The following LHFPL2 variants were observed in gnomAD, a reference collection of about 807,000 sequenced individuals.
LHFPL2 encodes the protein LHFPL tetraspan subfamily member 2 protein.
In LHFPL2, 7 loss-of-function variants were observed where a neutral mutation model predicts 17.5. The ratio of observed to expected loss-of-function variants is 0.40; its 90% CI spans 0.23 to 0.75. LHFPL2 has a LOEUF of 0.75. LHFPL2 is among the 30% of genes least tolerant of loss of function. The pLI, the probability that LHFPL2 is intolerant of heterozygous loss-of-function variation, is 0.37. For missense variants in LHFPL2, 241 were observed against 294.8 expected (o/e 0.82, Z 1.34); for synonymous variants, 134 against 116.2 (o/e 1.15, Z -0.99).
intron 1 of LHFPL2, among the ~76,000 whole-genome samples, chr5:78,634,996 G>A (rs1745382284): frequency 1.3e-5 from 2 of 152,226 alleles, no homozygotes; most frequent in African/African-American, 4.8e-5. Flanking sequence ...AGAAGAGTCG[G>A]GAAATGGCTG....
At chr5:78,520,245 A>T (rs1755411476) in intron 3 of LHFPL2, among the ~76,000 whole-genome samples, 1 of 152,204 alleles carries the variant, frequency 6.6e-6, no homozygotes. Context: ...CTGTAGAAGG[A>T]AATTTGTCCA....
intron 3 of LHFPL2, among the ~76,000 whole-genome samples, chr5:78,546,280 C>A (rs1476344040): frequency 6.6e-6 from 1 of 152,198 alleles, no homozygotes; most frequent in Non-Finnish European, 1.5e-5. Flanking sequence ...GTGGATTGAT[C>A]ATAAAGCCGC....
chr5:78,600,481 C>A (rs1473926966), intron 2 of LHFPL2, among the ~76,000 whole-genome samples: 1 of 152,166 alleles, frequency 6.6e-6, no homozygotes, highest in Non-Finnish European at 1.5e-5. Flanking sequence ...GTAATCCCAG[C>A]ACTTTGGGAG....
intron 4 of LHFPL2, among the ~76,000 whole-genome samples, chr5:78,500,241 G>A (rs1240147294): frequency 6.6e-6 from 1 of 152,128 alleles, no homozygotes; most frequent in East Asian, 1.9e-4. Context: ...AATAGGTCAG[G>A]CCACTGTTCA....
At chr5:78,490,510 T>C (rs963843649) in intron 4 of LHFPL2, among the ~76,000 whole-genome samples, 2 of 151,906 alleles carry the variant, frequency 1.3e-5, no homozygotes, top group African/African-American at 4.8e-5. Context: ...CCCAGCACTT[T>C]GGGAGGCTGA....
rs553528595 is a variant in LHFPL2 at position 78,508,949 on chromosome 5, T to C, written c.430+835A>G. 3.9e-5 allele frequency among the ~76,000 whole-genome samples: 6 copies of C among 152,318 alleles called. No individual in the cohort carries two copies. In the East Asian group the frequency reaches 1.2e-3, roughly 29 times the overall value. The stretch of plus-strand genomic sequence containing the variant: ...ATTTCTGTCACCCAGAACAAGAACC[T>C]TGAATCAAACCTAGACAGATTGTTA... On this transcript the variant is annotated intron_variant, in intron 4 of 4. Coordinates refer to ENST00000380345, the MANE Select transcript of LHFPL2 (RefSeq NM_005779.3).
chr5:78,547,854 T>A (rs539855182), intron 3 of LHFPL2, among the ~76,000 whole-genome samples: 1 of 152,302 alleles, frequency 6.6e-6, no homozygotes, highest in South Asian at 2.1e-4. Flanking sequence ...TTCAGGGTGG[T>A]CTGAGGGAGA....
chr5:78,645,991 T>A (rs7448677), intron 1 of LHFPL2, among the ~76,000 whole-genome samples: 1 of 152,158 alleles, frequency 6.6e-6, no homozygotes, highest in Admixed American at 6.5e-5. Context: ...CTTTTAAGAG[T>A]CCCAAGAGAG....
intron 1 of LHFPL2, among the ~76,000 whole-genome samples, chr5:78,635,622 G>A (rs1178264475): frequency 6.6e-6 from 1 of 152,202 alleles, no homozygotes; most frequent in Non-Finnish European, 1.5e-5. Context: ...CTAACACGGT[G>A]AAACCCCGTC....
intron 4 of LHFPL2, among the ~76,000 whole-genome samples, chr5:78,505,717 C>T (rs1580753521): frequency 6.6e-6 from 1 of 152,150 alleles, no homozygotes; most frequent in African/African-American, 2.4e-5. Flanking sequence ...GCAACAAATC[C>T]GGGAAACAAA....
At position 78,545,415 on chromosome 5, in the gene LHFPL2, GA is replaced by G. The variant is rs534761796; in HGVS notation, c.-186+19397del. Among the ~76,000 whole-genome samples, 529 of 152,296 alleles carry G rather than the reference GA, an allele frequency of 3.5e-3. 4 individuals are homozygous for G. Among genetic ancestry groups the G allele is most frequent in the African/African-American group, 0.012 (501 of 41,562 alleles). On this transcript the variant is annotated intron_variant, in intron 3 of 4. Transcript: ENST00000380345. The stretch of plus-strand genomic sequence containing the variant: ...GGAAGAGAGTTAGGCACTTGGGAAA[GA>G]AAATGAACATTTTTAAGCCACCAAG...
chr5:78,488,872 A>G lies in LHFPL2; in HGVS notation c.*25T>C. ...ACTGTTTCACAAGATTACTCAAGGGAGAAAATGGCATTGTCTCTTCCAAAC... is the reference window on the plus strand; with the variant it reads ...ACTGTTTCACAAGATTACTCAAGGGGGAAAATGGCATTGTCTCTTCCAAAC... On this transcript the variant is annotated 3_prime_UTR_variant, in exon 5 of 5. Transcript: ENST00000380345. The G allele has an allele frequency of 6.2e-7, 1 of 1,610,806 alleles. No homozygotes were observed. Among genetic ancestry groups the G allele is most frequent in the Non-Finnish European group, 8.5e-7 (1 of 1,178,296 alleles).
chr5:78,534,692 C>T lies in LHFPL2; in HGVS notation c.-185-24294G>A, dbSNP rs145220459. ...ATGGCTTTAGCTTTGGCTTCCAGTC[C>T]GTCACCGAAGGCCCAGGGCCTTCTC... On this transcript the variant is annotated intron_variant, in intron 3 of 4. Transcript: ENST00000380345. Among the ~76,000 whole-genome samples the T allele has an allele frequency of 2.1e-3, 318 of 152,292 alleles. 2 individuals carry two copies. The highest frequency in any genetic ancestry group is 7.1e-3 in the African/African-American group (297 of 41,560).
chr5:78,548,926 T>A (rs538010856), intron 3 of LHFPL2: 1 of 152,378 alleles, frequency 6.6e-6, no homozygotes, highest in African/African-American at 2.4e-5. Flanking sequence ...TTTTTCTGTC[T>A]TATATCAGCA....
chr5:78,507,484 G>C (rs2112316863), intron 4 of LHFPL2, among the ~76,000 whole-genome samples: 1 of 152,328 alleles, frequency 6.6e-6, no homozygotes, highest in South Asian at 2.1e-4. Context: ...TCCACACTCA[G>C]ACATGGAATT....
rs143520003 is a variant in LHFPL2, at chr5:78,545,440, A to G, written c.-186+19373T>C. On this transcript the variant is annotated intron_variant, in intron 3 of 4. Coordinates refer to ENST00000380345, the MANE Select transcript of LHFPL2 (RefSeq NM_005779.3). ...GAAAATGAACATTTTTAAGCCACCA[A>G]GGTACTGTTCATAAATGTCTGCTAG... Among the ~76,000 whole-genome samples the G allele has an allele frequency of 2.9e-3, 445 of 152,326 alleles. 3 individuals are homozygous for G. Among genetic ancestry groups the G allele is most frequent in the African/African-American group, 0.01 (427 of 41,574 alleles).
intron 2 of LHFPL2, among the ~76,000 whole-genome samples, chr5:78,620,990 T>G (rs1383911363): frequency 6.7e-6 from 1 of 149,822 alleles, no homozygotes; most frequent in African/African-American, 2.5e-5. Context: ...TTTTTGGAGA[T>G]GGAGTCTTGC....
chr5:78,576,337 T>C (rs1757135993), intron 2 of LHFPL2, among the ~76,000 whole-genome samples: 1 of 151,496 alleles, frequency 6.6e-6, no homozygotes, highest in African/African-American at 2.4e-5. Flanking sequence ...AAAGAATGAA[T>C]GAAAGAAATT....
chr5:78,489,251 G>T, intron 4 of LHFPL2, 98 bp from the exon 5 acceptor site: 1 of 1,382,430 alleles, frequency 7.2e-7, no homozygotes, highest in African/African-American at 1.4e-5. Flanking sequence ...CTTTGGGCAA[G>T]GGCATCTATT....
Sources: allele counts gnomAD v4.1 joint callset (sites outside exome capture counted in the v4.1 genomes callset), GRCh38; gene constraint gnomAD v4.1.1; transcripts MANE v1.5; gene names NCBI Gene and HGNC (gene_info 2026-07-23, HGNC 2026-07-21).